XYLT1: variants seen among roughly 807,000 people sequenced by gnomAD.
The protein encoded by XYLT1 is xylosyltransferase 1.
A neutral mutation model predicts 91.3 loss-of-function variants in XYLT1; 36 were observed. The observed-to-expected ratio is 0.39, with a 90% CI of 0.30 to 0.52. XYLT1 has a LOEUF of 0.52. Among genes scored for constraint, XYLT1 ranks in the 20% least tolerant of loss-of-function variants. The pLI, the probability that XYLT1 is intolerant of heterozygous loss-of-function variation, is 0.68. For synonymous variants in XYLT1, 588 were observed against 532.0 expected, an observed-to-expected ratio of 1.11 and a Z score of -1.45; for missense variants, 1,242 against 1,284.5, an observed-to-expected ratio of 0.97 and a Z score of 0.51.
chr16:17,253,444 C>T (rs1360618322), intron 3 of XYLT1, among the ~76,000 whole-genome samples: 1 of 152,130 alleles, frequency 6.6e-6, no homozygotes, highest in African/African-American at 2.4e-5. Flanking sequence ...CCGGAGATAA[C>T]CTCAGCATGA....
chr16:17,210,573 T>A (rs1381030068), intron 3 of XYLT1, among the ~76,000 whole-genome samples: 2 of 151,430 alleles, frequency 1.3e-5, no homozygotes, highest in South Asian at 4.2e-4. Context: ...TGAGACTCCA[T>A]CTTAAAAAAA....
chr16:17,314,712 G>A (rs1326089496), intron 2 of XYLT1, among the ~76,000 whole-genome samples: 1 of 152,182 alleles, frequency 6.6e-6, no homozygotes, highest in Non-Finnish European at 1.5e-5. Flanking sequence ...AGTGATAGAG[G>A]AGAAACTTGA....
intron 1 of XYLT1, among the ~76,000 whole-genome samples, chr16:17,376,389 G>A (rs2141879074): frequency 6.6e-6 from 1 of 152,318 alleles, no homozygotes; most frequent in East Asian, 1.9e-4. Context: ...CAAGCTTGCA[G>A]GTTGTGTCCT....
intron 3 of XYLT1, among the ~76,000 whole-genome samples, chr16:17,222,481 G>A (rs2032986299): frequency 6.6e-6 from 1 of 152,170 alleles, no homozygotes; most frequent in Non-Finnish European, 1.5e-5. Flanking sequence ...AAGATTGTCT[G>A]AGGAGCTTAT....
rs538629834 is a variant in XYLT1 at position 17,434,912 on chromosome 16, T to G, written c.363+35522A>C. Among the ~76,000 whole-genome samples the G allele has an allele frequency of 2.8e-3, 427 of 151,586 alleles. 4 individuals are homozygous for G. Among genetic ancestry groups the G allele is most frequent in the African/African-American group, 9.9e-3 (408 of 41,366 alleles). The stretch of plus-strand genomic sequence containing the variant: ...AGAAGAAGAAGAATGGAATTAGCAA[T>G]CCCAACAACACAGGTGTGGAGTTTT... On this transcript the variant is annotated intron_variant, in intron 1 of 11. Transcript: ENST00000261381.
At chr16:17,398,681 C>T (rs1460640684) in intron 1 of XYLT1, among the ~76,000 whole-genome samples, 1 of 151,992 alleles carries the variant, frequency 6.6e-6, no homozygotes, top group Non-Finnish European at 1.5e-5. Flanking sequence ...AAAGAATGTT[C>T]CATGCCCCTC....
At chr16:17,364,364 C>A (rs1269574063) in intron 1 of XYLT1, among the ~76,000 whole-genome samples, 1 of 152,146 alleles carries the variant, frequency 6.6e-6, no homozygotes, top group Non-Finnish European at 1.5e-5. Flanking sequence ...CCAGGAAACC[C>A]TAAGATAGGC....
rs75345894 is a variant in XYLT1, at chr16:17,233,006, A to G, written c.913+25982T>C. ...TGCCTCCACCATATCACTCTCTGAC[A>G]TACACTATCAGGACTTGTCTCCTCT... On this transcript the variant is annotated intron_variant, in intron 3 of 11. Transcript: ENST00000261381. Among the ~76,000 whole-genome samples the G allele has an allele frequency of 5.8e-3, 876 of 152,150 alleles. 10 individuals carry two copies. Among genetic ancestry groups the G allele is most frequent in the Non-Finnish European group, 9.2e-3 (624 of 67,998 alleles).
At chr16:17,344,492 C>CA (rs199791926) in intron 2 of XYLT1, among the ~76,000 whole-genome samples, 36,494 of 100,606 alleles carry the variant, frequency 0.36, 5,662 homozygotes, top group Middle Eastern at 0.48. Context: ...GACTCCATCT[C>CA]AAAAAAAAAA....
At chr16:17,233,244 C>T (rs2033195537) in intron 3 of XYLT1, among the ~76,000 whole-genome samples, 1 of 152,226 alleles carries the variant, frequency 6.6e-6, no homozygotes, top group African/African-American at 2.4e-5. Flanking sequence ...CAAACTCATG[C>T]CCAGCCTCAA....
chr16:17,140,658 C>CAAAAAAAAAAAAAAAAA (rs71137974), intron 7 of XYLT1, among the ~76,000 whole-genome samples: 3 of 68,004 alleles, frequency 4.4e-5, no homozygotes, highest in African/African-American at 1.8e-4. Context: ...AAGACTGTCT[C>CAAAAAAAAAAAAAAAAA]AAAAAAAAAA....
intron 2 of XYLT1, among the ~76,000 whole-genome samples, chr16:17,348,725 C>T (rs2035180099): frequency 6.6e-6 from 1 of 152,208 alleles, no homozygotes; most frequent in African/African-American, 2.4e-5. Flanking sequence ...GGACCTCCCT[C>T]GTGCTGCTAT....
At chr16:17,171,935 A>G (rs191991182) in intron 5 of XYLT1, among the ~76,000 whole-genome samples, 151 of 152,350 alleles carry the variant, frequency 9.9e-4, no homozygotes, top group Middle Eastern at 3.4e-3. Flanking sequence ...CATCTTACTC[A>G]ATAGCAGAAC....
chr16:17,217,083 C>T (rs1448100362), intron 3 of XYLT1, among the ~76,000 whole-genome samples: 1 of 152,184 alleles, frequency 6.6e-6, no homozygotes, highest in Admixed American at 6.5e-5. Context: ...CAACAGGGTT[C>T]ACAACAGTGG....
chr16:17,136,342 C>T (rs1379605308), intron 8 of XYLT1, among the ~76,000 whole-genome samples: 1 of 152,122 alleles, frequency 6.6e-6, no homozygotes, highest in Non-Finnish European at 1.5e-5. Flanking sequence ...ACTGGGAAGC[C>T]CCCTGATCGT....
At chr16:17,376,916 C>A (rs924927548) in intron 1 of XYLT1, among the ~76,000 whole-genome samples, 5 of 151,646 alleles carry the variant, frequency 3.3e-5, no homozygotes, top group African/African-American at 1.2e-4. Context: ...GTGGCTCACA[C>A]CTGTAATCCC....
chr16:17,276,577 C>T (rs550268172), intron 2 of XYLT1, among the ~76,000 whole-genome samples: 3 of 152,190 alleles, frequency 2.0e-5, no homozygotes, highest in Non-Finnish European at 4.4e-5. Context: ...TACCAACTTT[C>T]GCGTGCACTG....
chr16:17,180,946 A>C (rs11646491), intron 5 of XYLT1, among the ~76,000 whole-genome samples: 5,211 of 152,252 alleles, frequency 0.034, 136 homozygotes, highest in Non-Finnish European at 0.055. Context: ...GCCTGGGGCC[A>C]CCAGGGGAGG....
At chr16:17,130,774 G>C (rs900001309) in intron 9 of XYLT1, among the ~76,000 whole-genome samples, 2 of 152,122 alleles carry the variant, frequency 1.3e-5, no homozygotes, top group African/African-American at 4.8e-5. Flanking sequence ...TGTTCCCATA[G>C]TAGCCACGTC....
Sources: allele counts gnomAD v4.1 joint callset (sites outside exome capture counted in the v4.1 genomes callset), GRCh38; gene constraint gnomAD v4.1.1; transcripts MANE v1.5; gene names NCBI Gene and HGNC (gene_info 2026-07-23, HGNC 2026-07-21).